Variants in CAPN9 observed in about 807,000 individuals in gnomAD.
CAPN9 encodes calpain 9.
Under a neutral mutation model 92.8 loss-of-function variants are expected in CAPN9, and 81 were observed. The observed-to-expected ratio is 0.87, with a 90% CI of 0.73 to 1.05. CAPN9 has a LOEUF of 1.05. Ranked by LOEUF, CAPN9 falls within the 50% of genes least tolerant of loss-of-function variation. CAPN9 has a pLI of 0.00. For missense variants in CAPN9, 848 were observed against 866.2 expected (o/e 0.98, Z 0.26); for synonymous variants, 304 against 328.0 (o/e 0.93, Z 0.79).
chr1:230,770,261 C>A (rs1309135281), intron 6 of CAPN9, among the ~76,000 whole-genome samples: 3 of 152,168 alleles, frequency 2.0e-5, no homozygotes, highest in African/African-American at 7.2e-5. Context: ...TGGTAAAAGT[C>A]CCAGTCTGAG....
chr1:230,748,397 T>C (rs914538011), intron 1 of CAPN9, among the ~76,000 whole-genome samples: 2 of 152,202 alleles, frequency 1.3e-5, no homozygotes, highest in African/African-American at 4.8e-5. Flanking sequence ...CCAGCTGGGC[T>C]GGCTTCCATT....
intron 6 of CAPN9, 116 bp downstream of exon 6, chr1:230,769,379 A>G: frequency 1.3e-6 from 1 of 742,438 alleles, no homozygotes; most frequent in Non-Finnish European, 2.2e-6. Context: ...CATTTCAGAG[A>G]TTATGTCACC....
chr1:230,783,897 T>C (rs1368435538), intron 11 of CAPN9, among the ~76,000 whole-genome samples: 6 of 152,200 alleles, frequency 3.9e-5, no homozygotes, highest in Non-Finnish European at 5.9e-5. Flanking sequence ...CTGTTGACAG[T>C]GATATGAACA....
chr1:230,794,815 T>A (rs922397116), intron 17 of CAPN9, among the ~76,000 whole-genome samples: 1 of 152,176 alleles, frequency 6.6e-6, no homozygotes, highest in Admixed American at 6.5e-5. Flanking sequence ...CACCCAGTGT[T>A]AAGTTCCCCC....
rs1664492794 is a variant in CAPN9 at position 230,747,503 on chromosome 1, T to G, written c.7T>G (p.Tyr3Asp). 4 of 1,613,998 alleles carry G rather than the reference T, an allele frequency of 2.5e-6. No individual in the cohort carries two copies. In the East Asian group the frequency reaches 8.9e-5, roughly 36 times the overall value. The part of the protein sequence containing the change: MP[Y>D]LYRAPGPQAH... Reference sequence around the variant, plus strand: ...AGCCTTCCAGGGAGCAGCCATGCCTTACCTCTACCGGGCCCCAGGGCCTCA... The same window carrying G: ...AGCCTTCCAGGGAGCAGCCATGCCTGACCTCTACCGGGCCCCAGGGCCTCA... The change falls in exon 1 of 20, where the codon TAC (tyrosine) becomes GAC (aspartate). Residue 3 changes from tyrosine to aspartate, a missense_variant. By Grantham distance (160) the Tyr-to-Asp change is radical (BLOSUM62 -3). Coordinates refer to ENST00000271971, the MANE Select transcript of CAPN9 (RefSeq NM_006615.3).
At chr1:230,768,622 T>C (rs909230524) in intron 5 of CAPN9, among the ~76,000 whole-genome samples, 9 of 152,172 alleles carry the variant, frequency 5.9e-5, no homozygotes, top group African/African-American at 2.2e-4. Context: ...ATTTTCTCTA[T>C]GCATACAAAC....
chr1:230,780,858 T>C (rs993100820), intron 11 of CAPN9, 150 bp downstream of exon 11: 6 of 516,510 alleles, frequency 1.2e-5, no homozygotes, highest in Non-Finnish European at 2.0e-5. Flanking sequence ...TTCTTTTCTT[T>C]TATTTATTAT....
chr1:230,769,976 A>T (rs1182488054), intron 6 of CAPN9, among the ~76,000 whole-genome samples: 1 of 152,168 alleles, frequency 6.6e-6, no homozygotes, highest in Admixed American at 6.5e-5. Context: ...TTGGTTCTTT[A>T]CGTTATCGAT....
chr1:230,794,261 A>C (rs940554361), intron 17 of CAPN9, among the ~76,000 whole-genome samples: 2 of 152,164 alleles, frequency 1.3e-5, no homozygotes, highest in Non-Finnish European at 2.9e-5. Context: ...AGGTGGGTGG[A>C]TCATGAGGTC....
chr1:230,757,532 G>C (rs547184240), intron 2 of CAPN9, among the ~76,000 whole-genome samples: 6 of 152,160 alleles, frequency 3.9e-5, no homozygotes, highest in Non-Finnish European at 7.4e-5. Flanking sequence ...GCATATATAT[G>C]TTATAAAGAA....
At chr1:230,759,822 T>C (rs1277982198) in intron 3 of CAPN9, among the ~76,000 whole-genome samples, 192 bp downstream of exon 3, 1 of 152,234 alleles carries the variant, frequency 6.6e-6, no homozygotes, top group Admixed American at 6.5e-5. Flanking sequence ...ATTAACGGCA[T>C]TGCACGGTGA....
intron 18 of CAPN9, chr1:230,795,537 G>A (rs1321313923): frequency 2.5e-6 from 1 of 401,978 alleles, no homozygotes; most frequent in East Asian, 5.3e-5. Context: ...GGCTGGGGCA[G>A]GTTTGTGCCT....
chr1:230,785,643 G>A (rs532433032), intron 11 of CAPN9, among the ~76,000 whole-genome samples: 19 of 152,286 alleles, frequency 1.2e-4, no homozygotes, highest in African/African-American at 3.4e-4. Context: ...GAAGCAGAAC[G>A]GATGCCAGCA....
chr1:230,798,182 A>G lies in CAPN9; in HGVS notation c.2008A>G (p.Thr670Ala), dbSNP rs1461216128. 4 of 1,611,494 alleles carry G rather than the reference A, an allele frequency of 2.5e-6. No homozygotes were observed. The highest frequency in any genetic ancestry group is 3.4e-6 in the Non-Finnish European group (4 of 1,177,756). The change falls in exon 19 of 20, where the codon ACA becomes GCA. Residue 670 changes from threonine to alanine, a missense_variant. Transcript: ENST00000271971. ...ATCAGGGGTGTTCCAGGCTCTCAGT[A>G]CAAAGAACAAGGAGTTCATTCATCT... ...NASRVFQALS[T>A]KNKEFIHLNI...
Position 230,767,568 on chromosome 1 carries a change from G to A in CAPN9, c.564G>A (p.Lys188=). The A allele has an allele frequency of 1.2e-6, 2 of 1,613,138 alleles. No individual in the cohort carries two copies. Among genetic ancestry groups the A allele is most frequent in the Non-Finnish European group, 8.5e-7 (1 of 1,179,608 alleles). The part of the protein sequence containing the change: ...AKLNGSYEAL[K]GGSAIEAMED... The stretch of plus-strand genomic sequence containing the variant: ...TAAATGGGAGCTATGAAGCTCTGAA[G>A]GGAGGCAGCGCCATCGAGGCCATGG... The change falls in exon 5 of 20, where the codon AAG becomes AAA. Residue 188 remains lysine, a synonymous_variant. Transcript: ENST00000271971.
intron 1 of CAPN9, among the ~76,000 whole-genome samples, chr1:230,749,249 G>A (rs1284121028): frequency 6.6e-6 from 1 of 152,234 alleles, no homozygotes; most frequent in African/African-American, 2.4e-5. Context: ...GCCAATTGCA[G>A]TGTGAGGTCA....
chr1:230,798,223 A>G lies in CAPN9; in HGVS notation c.2046+3A>G. ...TCATTCATCTCAATATAAATGAGGT[A>G]TGGCCAATCCAGACCCTCTGCTCAG... On this transcript the variant is annotated splice_donor_region_variant and intron_variant, in intron 19 of 19. Coordinates refer to ENST00000271971, the MANE Select transcript of CAPN9 (RefSeq NM_006615.3). 6.2e-7 allele frequency: 1 copy of G among 1,605,712 alleles called. No individual in the cohort carries two copies. Among genetic ancestry groups the G allele is most frequent in the Non-Finnish European group, 8.5e-7 (1 of 1,172,490 alleles).
chr1:230,774,492 T>C (rs1373971013), intron 7 of CAPN9, 62 bp from the exon 8 acceptor site: 4 of 1,095,458 alleles, frequency 3.7e-6, no homozygotes, highest in Non-Finnish European at 5.7e-6. Context: ...GGGTTCCACA[T>C]CAAGGCCATT....
intron 11 of CAPN9, among the ~76,000 whole-genome samples, chr1:230,783,986 C>T (rs1667403099): frequency 6.6e-6 from 1 of 152,158 alleles, no homozygotes; most frequent in South Asian, 2.1e-4. Context: ...GTGTGTTATG[C>T]CCTAGCAAAG....
Sources: gnomAD v4.1 joint callset for allele counts (sites outside exome capture counted in the v4.1 genomes callset) on GRCh38, gnomAD v4.1.1 for gene constraint, MANE v1.5 for transcripts, NCBI Gene and HGNC (gene_info 2026-07-23, HGNC 2026-07-21) for gene names.